Variants in TM7SF3 observed in about 807,000 individuals in gnomAD.
TM7SF3 encodes the protein seven span transmembrane protein.
Under a neutral mutation model 65.5 loss-of-function variants are expected in TM7SF3, and 60 were observed. The ratio of observed to expected loss-of-function variants is 0.92; its 90% confidence interval spans 0.74 to 1.14. The LOEUF (loss-of-function observed/expected upper bound fraction) is 1.14, where lower values mean the gene tolerates loss of function less well. Among genes scored for constraint, TM7SF3 ranks in the 50% most tolerant of loss-of-function variants. The pLI is 0.00. For synonymous variants in TM7SF3, 264 were observed against 259.6 expected (o/e 1.02, Z -0.16); for missense variants, 623 against 684.8 (o/e 0.91, Z 1.01).
intron 1 of TM7SF3, among the ~76,000 whole-genome samples, chr12:27,008,704 T>C (rs1008731551): frequency 2.6e-5 from 4 of 152,272 alleles, no homozygotes; most frequent in South Asian, 4.1e-4. Flanking sequence ...TGGTGTAAGA[T>C]AGAGGTCACA....
intron 4 of TM7SF3, among the ~76,000 whole-genome samples, chr12:26,996,230 G>A (rs1474438286): frequency 6.6e-6 from 1 of 151,802 alleles, no homozygotes; most frequent in Non-Finnish European, 1.5e-5. Context: ...AACCCCTAGG[G>A]AAACTTTCTG....
intron 1 of TM7SF3, among the ~76,000 whole-genome samples, chr12:27,012,455 A>G (rs1331001681): frequency 1.3e-5 from 2 of 152,238 alleles, no homozygotes; most frequent in Non-Finnish European, 2.9e-5. Flanking sequence ...CTTTTCAAAG[A>G]TAAGTGCATA....
chr12:26,995,923 G>A (rs932795042), intron 4 of TM7SF3, among the ~76,000 whole-genome samples: 2 of 152,096 alleles, frequency 1.3e-5, no homozygotes, highest in Admixed American at 1.3e-4. Flanking sequence ...CACAAACTAA[G>A]ACAAACACCA....
chr12:26,998,577 T>C (rs1409470055), intron 3 of TM7SF3, among the ~76,000 whole-genome samples: 1 of 152,200 alleles, frequency 6.6e-6, no homozygotes, highest in Admixed American at 6.5e-5. Flanking sequence ...TGCTTCCCTC[T>C]TATACTCCAT....
intron 8 of TM7SF3, 59 bp from the exon 9 acceptor site, chr12:26,979,995 T>G: frequency 6.3e-7 from 1 of 1,599,560 alleles, no homozygotes; most frequent in South Asian, 1.1e-5. Context: ...ACCGCGTGCC[T>G]TAGACATACA....
intron 9 of TM7SF3, chr12:26,978,140 T>C: frequency 2.3e-6 from 1 of 426,280 alleles, no homozygotes; most frequent in South Asian, 1.7e-5. Context: ...ATTGAGGAGA[T>C]GATCACTCTA....
Position 27,014,268 on chromosome 12 carries a change from G to A in TM7SF3, c.-100C>T, listed in dbSNP as rs542544757. On this transcript the variant is annotated 5_prime_UTR_variant, in exon 1 of 12. Coordinates refer to ENST00000343028, the MANE Select transcript of TM7SF3 (RefSeq NM_016551.3). ...TCGCCCACGCTATCCCGGGGCGCCC[G>A]CATCGGGCGCCATCGCCCGCCAGGT... is the stretch of plus-strand genomic sequence containing the variant. 11 of 1,113,234 alleles carry A rather than the reference G, an allele frequency of 9.9e-6. No homozygotes were observed. The highest frequency in any genetic ancestry group is 3.8e-5 in the Admixed American group (1 of 26,316). The allele number at this position is 1,113,234 out of a possible 1,614,324, so 69.0% of individuals were successfully genotyped here.
intron 1 of TM7SF3, among the ~76,000 whole-genome samples, chr12:27,003,782 C>T (rs758219955): frequency 7.9e-5 from 12 of 152,146 alleles, no homozygotes; most frequent in African/African-American, 9.7e-5. Context: ...GAACCATAAC[C>T]GTCTAGTGAA....
intron 2 of TM7SF3, among the ~76,000 whole-genome samples, chr12:27,000,614 C>G (rs1369545838): frequency 6.6e-6 from 1 of 152,106 alleles, no homozygotes; most frequent in Non-Finnish European, 1.5e-5. Context: ...CGCCTGCCAC[C>G]ACACCTGGCT....
At chr12:27,008,935 A>C (rs1941144922) in intron 1 of TM7SF3, among the ~76,000 whole-genome samples, 1 of 152,190 alleles carries the variant, frequency 6.6e-6, no homozygotes, top group South Asian at 2.1e-4. Context: ...AGTGATGGAT[A>C]CACTAAAAGC....
chr12:26,994,613 C>G (rs1159934335), intron 5 of TM7SF3, among the ~76,000 whole-genome samples: 1 of 152,234 alleles, frequency 6.6e-6, no homozygotes, highest in African/African-American at 2.4e-5. Flanking sequence ...TCCCAAAGTG[C>G]TGGGATTACA....
At chr12:27,012,389 T>A (rs1941278789) in intron 1 of TM7SF3, among the ~76,000 whole-genome samples, 1 of 152,188 alleles carries the variant, frequency 6.6e-6, no homozygotes, top group Non-Finnish European at 1.5e-5. Flanking sequence ...GTTGCCCTTT[T>A]CAGCTTTGGC....
intron 5 of TM7SF3, among the ~76,000 whole-genome samples, chr12:26,994,761 C>T (rs1003262904): frequency 1.3e-5 from 2 of 152,210 alleles, no homozygotes; most frequent in African/African-American, 4.8e-5. Flanking sequence ...GGTCCATGGT[C>T]CACACCTGGG....
At chr12:27,008,757 C>T (rs1941138352) in intron 1 of TM7SF3, among the ~76,000 whole-genome samples, 1 of 152,124 alleles carries the variant, frequency 6.6e-6, no homozygotes, top group Admixed American at 6.5e-5. Context: ...GCAACCTTCA[C>T]TAAAAATACC....
chr12:27,013,245 C>G (rs958275175), intron 1 of TM7SF3, among the ~76,000 whole-genome samples: 1 of 152,106 alleles, frequency 6.6e-6, no homozygotes, highest in African/African-American at 2.4e-5. Context: ...TCTCTGTAAA[C>G]GAATTAATAT....
At chr12:26,976,151 T>C (rs1939553963) in intron 10 of TM7SF3, 109 bp downstream of exon 10, 1 of 817,834 alleles carries the variant, frequency 1.2e-6, no homozygotes, top group South Asian at 1.6e-5. Context: ...CTGATACAGG[T>C]AACACAGCCC....
intron 1 of TM7SF3, among the ~76,000 whole-genome samples, chr12:27,009,544 TTTTTC>T (rs1271533926): frequency 4.6e-5 from 7 of 152,200 alleles, no homozygotes; most frequent in Admixed American, 4.6e-4. Flanking sequence ...TTAAATGTAC[TTTTTC>T]TTTTCTTTAA....
At chr12:26,986,355 A>G (rs1940100489) in intron 6 of TM7SF3, among the ~76,000 whole-genome samples, 1 of 152,074 alleles carries the variant, frequency 6.6e-6, no homozygotes, top group African/African-American at 2.4e-5. Flanking sequence ...CCCTTAGGTC[A>G]GTGCAGACAG....
intron 2 of TM7SF3, among the ~76,000 whole-genome samples, 192 bp downstream of exon 2, chr12:27,003,044 T>C (rs572934545): frequency 4.6e-5 from 7 of 152,302 alleles, no homozygotes; most frequent in Admixed American, 4.6e-4. Context: ...GGTCAGAGAC[T>C]GCCACACTCA....
Sources: gnomAD v4.1 joint callset for allele counts (sites outside exome capture counted in the v4.1 genomes callset) on GRCh38, gnomAD v4.1.1 for gene constraint, MANE v1.5 for transcripts, NCBI Gene and HGNC (gene_info 2026-07-23, HGNC 2026-07-21) for gene names.